BTBD8: variants seen among roughly 807,000 people sequenced by gnomAD.
BTBD8 encodes the protein BTB domain containing 8.
In BTBD8, 110 loss-of-function variants were observed where a neutral mutation model predicts 162.9. The observed-to-expected ratio is 0.68, with a 90% CI of 0.58 to 0.79. The LOEUF is 0.79. BTBD8 is among the 30% of genes least tolerant of loss of function. BTBD8 has a pLI of 0.00. For synonymous variants in BTBD8, 667 were observed against 716.1 expected, an observed-to-expected ratio of 0.93 and a Z score of 1.10; for missense variants, 1,905 against 2,085.4, an observed-to-expected ratio of 0.91 and a Z score of 1.68.
chr1:92,134,708 A>G (rs566702), intron 5 of BTBD8, among the ~76,000 whole-genome samples: 4,824 of 152,156 alleles, frequency 0.032, 90 homozygotes, highest in African/African-American at 0.038. Flanking sequence ...TAAACTTCTT[A>G]TATCTACAAA....
At position 92,181,315 on chromosome 1, in the gene BTBD8, C is replaced by A. The variant is rs1320963159; in HGVS notation, c.3632C>A (p.Ser1211Tyr). 1.9e-6 allele frequency: 3 copies of A among 1,551,406 alleles called. No homozygotes were observed. Among genetic ancestry groups the A allele is most frequent in the Middle Eastern group, 1.7e-4 (1 of 5,990 alleles). The change falls in exon 17 of 18, where the codon TCT (serine) becomes TAT (tyrosine). Residue 1211 changes from serine (S) to tyrosine (Y), a missense_variant. Physicochemically the swap from Ser to Tyr is moderately radical, Grantham distance 144 (BLOSUM62 -2). This residue lies in a region of BTBD8 where 1,374 missense variants were observed against 1,442.7 expected (regional missense o/e 0.95). Transcript: ENST00000636805. Reference sequence around the variant, plus strand: ...TCGGGACAGCTATCAGAAAAAAATTCTCCTAAAAATATGGAAACATCAGAA... The same window carrying A: ...TCGGGACAGCTATCAGAAAAAAATTATCCTAAAAATATGGAAACATCAGAA... ...CFSGQLSEKN[S>Y]PKNMETSESP...
At chr1:92,094,683 C>T (rs1262196963) in intron 2 of BTBD8, among the ~76,000 whole-genome samples, 1 of 152,136 alleles carries the variant, frequency 6.6e-6, no homozygotes, top group East Asian at 1.9e-4. Context: ...GTTGTGCTTG[C>T]TTTATGACCT....
intron 2 of BTBD8, among the ~76,000 whole-genome samples, chr1:92,090,023 A>G (rs1172753563): frequency 1.3e-5 from 2 of 152,098 alleles, no homozygotes; most frequent in Non-Finnish European, 2.9e-5. Flanking sequence ...GCTATTCCAT[A>G]TTTTGTTAAT....
chr1:92,146,785 T>C (rs1177756161), intron 7 of BTBD8, among the ~76,000 whole-genome samples: 1 of 152,220 alleles, frequency 6.6e-6, no homozygotes, highest in East Asian at 1.9e-4. Context: ...CATGGCTTGA[T>C]AGCACATTTC....
At chr1:92,094,385 G>A (rs1648395684) in intron 2 of BTBD8, among the ~76,000 whole-genome samples, 1 of 152,206 alleles carries the variant, frequency 6.6e-6, no homozygotes, top group Non-Finnish European at 1.5e-5. Context: ...AAAAGGAAGG[G>A]AGTACAATGG....
intron 4 of BTBD8, chr1:92,125,906 TGAA>T (rs1232534571): frequency 2.3e-6 from 1 of 434,080 alleles, no homozygotes; most frequent in South Asian, 2.0e-5. Flanking sequence ...CAACCAGTGT[TGAA>T]GAAGGAGGGA....
chr1:92,098,510 C>T (rs935322755), intron 2 of BTBD8, among the ~76,000 whole-genome samples: 1 of 152,110 alleles, frequency 6.6e-6, no homozygotes, highest in African/African-American at 2.4e-5. Flanking sequence ...TCCAAAATGA[C>T]TGTACCATTT....
At chr1:92,148,868 AAT>A (rs1386555045) in intron 9 of BTBD8, among the ~76,000 whole-genome samples, 2 of 152,202 alleles carry the variant, frequency 1.3e-5, no homozygotes, top group Admixed American at 1.3e-4. Context: ...ATCAAGAGGA[AAT>A]TGAGTTGCTA....
chr1:92,167,501 T>C (rs10747503), intron 10 of BTBD8, among the ~76,000 whole-genome samples: 95,978 of 152,148 alleles, frequency 0.63, 30,818 homozygotes, highest in East Asian at 0.96. Context: ...GAAGCTACTT[T>C]CTCTAAAATT....
chr1:92,108,270 A>G (rs940395683), intron 4 of BTBD8, among the ~76,000 whole-genome samples: 14 of 152,232 alleles, frequency 9.2e-5, no homozygotes, highest in African/African-American at 3.4e-4. Context: ...GCCAGAGCAG[A>G]TCTCATCTAT....
intron 12 of BTBD8, among the ~76,000 whole-genome samples, chr1:92,169,211 A>G (rs1650466845): frequency 6.6e-6 from 1 of 152,144 alleles, no homozygotes; most frequent in Non-Finnish European, 1.5e-5. Flanking sequence ...ATATATATAT[A>G]TGTTTCTAAT....
At position 92,180,706 on chromosome 1, in the gene BTBD8, G is replaced by C; in HGVS notation, c.3023G>C (p.Cys1008Ser). ...GATGCAGAAGCACTCCAGTCATCCT[G>C]CAGGCCTGACCCACAAAAGCCATTA... is the stretch of plus-strand genomic sequence containing the variant. ...ISDAEALQSS[C>S]RPDPQKPLND... Residue 1008 changes from cysteine to serine, a missense_variant, in exon 17 of 18, where the codon TGC becomes TCC. Physicochemically the swap from Cys to Ser is moderately radical, Grantham distance 112 (BLOSUM62 -1). This residue lies in a region of BTBD8 where 1,374 missense variants were observed against 1,442.7 expected (regional missense o/e 0.95). Transcript: ENST00000636805. The C allele has an allele frequency of 6.4e-7, 1 of 1,551,652 alleles. No individual in the cohort carries two copies. Among genetic ancestry groups the C allele is most frequent in the Non-Finnish European group, 8.7e-7 (1 of 1,146,976 alleles).
chr1:92,182,686 T>C, intron 17 of BTBD8, 91 bp downstream of exon 17: 1 of 724,870 alleles, frequency 1.4e-6, no homozygotes. Context: ...TATATTTTAG[T>C]CAGATAGAAT....
At chr1:92,086,026 A>AGC (rs1483059235) in intron 1 of BTBD8, among the ~76,000 whole-genome samples, 1 of 152,232 alleles carries the variant, frequency 6.6e-6, no homozygotes, top group Non-Finnish European at 1.5e-5. Context: ...TGGTGTATCA[A>AGC]GCGCATGATC....
At chr1:92,082,802 A>G (rs1400973311) in intron 1 of BTBD8, among the ~76,000 whole-genome samples, 1 of 152,220 alleles carries the variant, frequency 6.6e-6, no homozygotes, top group Non-Finnish European at 1.5e-5. Flanking sequence ...TAACAGTCAT[A>G]CAATAAGACC....
At chr1:92,154,774 T>A (rs951317744) in intron 9 of BTBD8, among the ~76,000 whole-genome samples, 1 of 152,180 alleles carries the variant, frequency 6.6e-6, no homozygotes, top group Non-Finnish European at 1.5e-5. Context: ...GGCTTTTTAA[T>A]TTGATGTAGT....
chr1:92,106,495 C>T (rs7549516), intron 3 of BTBD8, among the ~76,000 whole-genome samples: 92,659 of 150,590 alleles, frequency 0.62, 29,011 homozygotes, highest in East Asian at 0.97. Flanking sequence ...CCCGTCTCTA[C>T]TAAAAATACA....
intron 4 of BTBD8, among the ~76,000 whole-genome samples, chr1:92,118,167 C>G (rs1438867129): frequency 1.3e-5 from 2 of 151,710 alleles, no homozygotes; most frequent in African/African-American, 4.9e-5. Flanking sequence ...TTCAGATTTC[C>G]TTGGTTTTTA....
intron 13 of BTBD8, among the ~76,000 whole-genome samples, chr1:92,174,892 A>AT (rs1211852515): frequency 1.3e-5 from 2 of 152,066 alleles, no homozygotes; most frequent in African/African-American, 4.8e-5. Context: ...TTTATTGTGT[A>AT]TTTTTTTGTG....
Sources: gnomAD v4.1 joint callset for allele counts (sites outside exome capture counted in the v4.1 genomes callset) on GRCh38, gnomAD v4.1.1 for gene constraint, gnomAD v4.1.1 regional missense constraint, MANE v1.5 for transcripts, NCBI Gene and HGNC (gene_info 2026-07-23, HGNC 2026-07-21) for gene names.